The following FKTN variants were observed in gnomAD, a reference collection of about 807,000 sequenced individuals.
FKTN encodes the protein fukutin, also known as ribitol-5-phosphate transferase FKTN.
In FKTN, 47 loss-of-function variants were observed where a neutral mutation model predicts 58.6. That is an observed-to-expected ratio of 0.80 (90% CI 0.63 to 1.02). The LOEUF is 1.02. Ranked by LOEUF, FKTN falls within the 50% of genes least tolerant of loss-of-function variation. FKTN has a pLI of 0.00. For synonymous variants in FKTN, 178 were observed against 191.9 expected, an observed-to-expected ratio of 0.93 and a Z score of 0.60; for missense variants, 516 against 537.3, an observed-to-expected ratio of 0.96 and a Z score of 0.39.
intron 1 of FKTN, among the ~76,000 whole-genome samples, chr9:105,570,300 A>T (rs935741207): frequency 2.0e-5 from 3 of 152,154 alleles, no homozygotes; most frequent in Non-Finnish European, 4.4e-5. Context: ...AGCCAATTTT[A>T]GGCTGGTGGG....
At position 105,566,670 on chromosome 9, in the gene FKTN, A is replaced by G. The variant is rs557468530; in HGVS notation, c.-180-6985A>G. ...AATAATTAATAGCTTACCAACCAAA[A>G]AAAGTCCAGGACCAGATGGATTCAC... is the stretch of plus-strand genomic sequence containing the variant. On this transcript the variant is annotated intron_variant, in intron 1 of 10. Coordinates refer to ENST00000357998, the MANE Select transcript of FKTN (RefSeq NM_001079802.2). Among the ~76,000 whole-genome samples the G allele has an allele frequency of 3.9e-3, 592 of 152,296 alleles. 6 individuals are homozygous for G. Among genetic ancestry groups the G allele is most frequent in the Non-Finnish European group, 5.4e-3 (368 of 68,018 alleles).
chr9:105,603,171 C>G (rs904716047), intron 5 of FKTN, among the ~76,000 whole-genome samples: 13 of 152,094 alleles, frequency 8.5e-5, no homozygotes, highest in African/African-American at 2.9e-4. Flanking sequence ...CTCCTATAAC[C>G]CAAGGTCACG....
chr9:105,570,047 T>A (rs1376456835), intron 1 of FKTN, among the ~76,000 whole-genome samples: 1 of 152,094 alleles, frequency 6.6e-6, no homozygotes, highest in East Asian at 1.9e-4. Flanking sequence ...ATGCCATATC[T>A]CTCTATAGGT....
At chr9:105,617,836 T>C in intron 8 of FKTN, 123 bp from the exon 9 acceptor site, 1 of 659,570 alleles carries the variant, frequency 1.5e-6, no homozygotes, top group Non-Finnish European at 2.6e-6. Context: ...GCCTGGGCAA[T>C]ATAGTGAGAC....
At chr9:105,603,491 A>G (rs895489829) in intron 5 of FKTN, among the ~76,000 whole-genome samples, 44 of 152,204 alleles carry the variant, frequency 2.9e-4, no homozygotes, top group African/African-American at 1.0e-3. Flanking sequence ...CTATGAGATG[A>G]AAGAACTACT....
In FKTN at chr9:105,640,131, T is replaced by C; in HGVS notation, c.*4867T>C. ...AATCAGCAGGGTGCATGATGCCATT[T>C]TAAGCTGCTTCACATCAGACTGAAA... On this transcript the variant is annotated 3_prime_UTR_variant, in exon 11 of 11. Transcript: ENST00000357998. The C allele has an allele frequency of 1.3e-6, 2 of 1,535,572 alleles. No individual in the cohort carries two copies. The highest frequency in any genetic ancestry group is 1.7e-6 in the Non-Finnish European group (2 of 1,146,820).
chr9:105,587,350 G>A (rs138807021), intron 3 of FKTN, among the ~76,000 whole-genome samples: 7 of 152,302 alleles, frequency 4.6e-5, no homozygotes, highest in African/African-American at 1.4e-4. Flanking sequence ...AAGTTTGGCA[G>A]TAGTCATTCA....
chr9:105,635,265 G>C lies in FKTN; in HGVS notation c.*1G>C. 1 of 1,613,910 alleles carries C rather than the reference G, an allele frequency of 6.2e-7. No individual in the cohort carries two copies. The highest frequency in any genetic ancestry group is 8.5e-7 in the Non-Finnish European group (1 of 1,179,792). On this transcript the variant is annotated 3_prime_UTR_variant, in exon 11 of 11. Transcript: ENST00000357998. ...GGATGAGGTTATCCAGTTATATTGA[G>C]ATAGTAGGTTGAAATGGGAGAATTT...
intron 10 of FKTN, among the ~76,000 whole-genome samples, chr9:105,634,522 GT>G (rs1219290605): frequency 2.3e-4 from 35 of 152,138 alleles, no homozygotes; most frequent in Non-Finnish European, 4.4e-5. Context: ...CCTTGGGCTG[GT>G]TTAAAGATGT....
At chr9:105,573,923 G>C (rs1841226890) in intron 2 of FKTN, among the ~76,000 whole-genome samples, 177 bp downstream of exon 2, 1 of 152,132 alleles carries the variant, frequency 6.6e-6, no homozygotes, top group Admixed American at 6.5e-5. Context: ...AACTATTTTT[G>C]AACAAGGCAA....
At chr9:105,567,278 G>GTGT (rs529515804) in intron 1 of FKTN, among the ~76,000 whole-genome samples, 227 of 152,300 alleles carry the variant, frequency 1.5e-3, no homozygotes, top group African/African-American at 5.2e-3. Context: ...ATTCAGCATG[G>GTGT]TGTTGGAGGT....
In FKTN at chr9:105,635,645, A is replaced by G. The variant is rs1833977607; in HGVS notation, c.*381A>G. The G allele has an allele frequency of 8.8e-7, 1 of 1,141,208 alleles. No individual in the cohort carries two copies. The highest frequency in any genetic ancestry group is 4.6e-5 in the Admixed American group (1 of 21,862). 70.7% of individuals were successfully genotyped at this position (1,141,208 alleles called of 1,614,324 possible). A position where few individuals can be genotyped will look rare whatever the true frequency, so the allele number is the denominator to read the frequency against. ...GAAGATGAGCTCACCAGGCAAAGCT[A>G]AGGAAGGATATACTAGTTGAAAAGA... On this transcript the variant is annotated 3_prime_UTR_variant, in exon 11 of 11. Coordinates refer to ENST00000357998, the MANE Select transcript of FKTN (RefSeq NM_001079802.2).
intron 7 of FKTN, among the ~76,000 whole-genome samples, chr9:105,611,548 C>T (rs1235891743): frequency 4.6e-5 from 7 of 152,058 alleles, no homozygotes; most frequent in African/African-American, 1.2e-4. Context: ...CCCCTCTATG[C>T]GTCCATGTGT....
chr9:105,566,868 C>G (rs929752764), intron 1 of FKTN, among the ~76,000 whole-genome samples: 1 of 152,126 alleles, frequency 6.6e-6, no homozygotes, highest in African/African-American at 2.4e-5. Flanking sequence ...ATCAATATCC[C>G]TGATGAACAT....
rs200865098 is a variant in FKTN at position 105,568,153 on chromosome 9, A to G, written c.-180-5502A>G. On this transcript the variant is annotated intron_variant, in intron 1 of 10. Transcript: ENST00000357998. ...TACAAAAATTAATTCAAGATGGATTAAAGACTTAAATGTTAGACCTAAAAC... is the reference window on the plus strand; with the variant it reads ...TACAAAAATTAATTCAAGATGGATTGAAGACTTAAATGTTAGACCTAAAAC... 1.4e-4 allele frequency among the ~76,000 whole-genome samples: 22 copies of G among 152,310 alleles called. No homozygotes were observed. The East Asian group carries it at 3.3e-3, about 23-fold the overall frequency.
chr9:105,614,512 A>G (rs773454521), intron 7 of FKTN, among the ~76,000 whole-genome samples: 1 of 152,192 alleles, frequency 6.6e-6, no homozygotes, highest in Non-Finnish European at 1.5e-5. Flanking sequence ...AGTGCACTAG[A>G]TTTGATAATC....
At chr9:105,575,195 A>T in intron 3 of FKTN, 58 bp downstream of exon 3, 1 of 988,326 alleles carries the variant, frequency 1.0e-6, no homozygotes, top group South Asian at 1.3e-5. Context: ...ATATTTTCTG[A>T]TCACACTTCT....
In FKTN at chr9:105,574,998, C is replaced by G; in HGVS notation, c.-35C>G. The G allele has an allele frequency of 8.8e-7, 1 of 1,138,626 alleles. No homozygotes were observed. The highest frequency in any genetic ancestry group is 1.3e-6 in the Non-Finnish European group (1 of 746,174). The allele number at this position is 1,138,626 out of a possible 1,614,324, so 70.5% of individuals were successfully genotyped here. On this transcript the variant is annotated 5_prime_UTR_variant, in exon 3 of 11. Transcript: ENST00000357998. ...CAAAAAGATGAAAACGACTGAGATA[C>G]TTTCAAAAGACAACCAAGTGAGCAG...
Position 105,638,166 on chromosome 9 carries a change from C to T in FKTN, c.*2902C>T, listed in dbSNP as rs1834171760. 1.0e-6 allele frequency: 1 copy of T among 985,270 alleles called. No individual in the cohort carries two copies. The highest frequency in any genetic ancestry group is 1.2e-6 in the Non-Finnish European group (1 of 829,854). 61.0% of individuals were successfully genotyped at this position (985,270 alleles called of 1,614,324 possible). ...CAGCTGAGGCTAAAACCCAAGACTG[C>T]CGTGACTCCTAGTCCAATGTCTGTT... On this transcript the variant is annotated 3_prime_UTR_variant, in exon 11 of 11. Transcript: ENST00000357998.
Sources: gnomAD v4.1 joint callset for allele counts (sites outside exome capture counted in the v4.1 genomes callset) on GRCh38, gnomAD v4.1.1 for gene constraint, MANE v1.5 for transcripts, NCBI Gene and HGNC (gene_info 2026-07-23, HGNC 2026-07-21) for gene names.